Variants in HRG observed in about 807,000 individuals in gnomAD.
HRG encodes the protein histidine rich glycoprotein.
In HRG, 26 loss-of-function variants were observed where a neutral mutation model predicts 29.5. The observed-to-expected ratio is 0.88, with a 90% CI of 0.65 to 1.22. The LOEUF is 1.22. Among genes scored for constraint, HRG ranks in the 50% most tolerant of loss-of-function variants. The pLI is 0.00. For missense variants in HRG, 671 were observed against 654.5 expected, an observed-to-expected ratio of 1.03 and a Z score of -0.28; for synonymous variants, 243 against 240.4, an observed-to-expected ratio of 1.01 and a Z score of -0.10.
chr3:186,672,715 G>C, intron 4 of HRG, 72 bp from the exon 5 acceptor site: 1 of 914,396 alleles, frequency 1.1e-6, no homozygotes, highest in East Asian at 2.4e-5. Flanking sequence ...ATATTGAATG[G>C]TAGTTATCTA....
chr3:186,677,392 G>A lies in HRG; in HGVS notation c.1087G>A (p.Gly363Arg), dbSNP rs772144730. ...TCATTCCCATGAACAGCATCCCCAC[G>A]GACACCATCCCCATGCACACCATCC... ...KHHSHEQHPHGHHPHAHHPHE... is the reference protein window; with the variant it reads ...KHHSHEQHPHRHHPHAHHPHE... Residue 363 changes from glycine (G) to arginine (R), a missense_variant, in exon 7 of 7, where the codon GGA (glycine) becomes AGA (arginine). Transcript: ENST00000232003. 40 of 1,611,680 alleles carry A rather than the reference G, an allele frequency of 2.5e-5. No homozygotes were observed. Among genetic ancestry groups the A allele is most frequent in the Middle Eastern group, 1.6e-4 (1 of 6,080 alleles).
chr3:186,666,300 A>G lies in HRG; in HGVS notation c.183+86A>G, dbSNP rs1307943016. 4.4e-6 allele frequency: 6 copies of G among 1,371,824 alleles called. No individual in the cohort carries two copies. In the East Asian group the frequency reaches 6.9e-5, roughly 16 times the overall value. 85.0% of individuals were successfully genotyped at this position (1,371,824 alleles called of 1,614,324 possible). On this transcript the variant is annotated intron_variant, in intron 1 of 6. Transcript: ENST00000232003. Reference sequence around the variant, plus strand: ...CTACCCCCTAGGCTTACTGCTTTGCACAATGAATGGCTTTGGTCAGAGTTT... The same window carrying G: ...CTACCCCCTAGGCTTACTGCTTTGCGCAATGAATGGCTTTGGTCAGAGTTT...
intron 4 of HRG, among the ~76,000 whole-genome samples, chr3:186,672,014 A>C (rs1718815803): frequency 6.6e-6 from 1 of 151,576 alleles, no homozygotes; most frequent in Non-Finnish European, 1.5e-5. Flanking sequence ...GGGAGTAGAC[A>C]TCTGACAGAG....
intron 3 of HRG, among the ~76,000 whole-genome samples, chr3:186,671,031 C>T (rs1399994860): frequency 6.6e-6 from 1 of 151,652 alleles, no homozygotes; most frequent in Non-Finnish European, 1.5e-5. Flanking sequence ...GCTCTGTCTT[C>T]CCCCTTGGCA....
chr3:186,673,456 C>A (rs932214998), intron 5 of HRG: 4 of 163,930 alleles, frequency 2.4e-5, no homozygotes, highest in South Asian at 1.7e-4. Context: ...AGATAGATAC[C>A]ATTTTTAATC....
chr3:186,671,572 C>G (rs1402055658), intron 3 of HRG, 51 bp from the exon 4 acceptor site: 2 of 1,567,968 alleles, frequency 1.3e-6, no homozygotes, highest in African/African-American at 2.7e-5. Flanking sequence ...CACCAAGCCA[C>G]CATTAACATT....
chr3:186,671,891 C>A, intron 4 of HRG, 102 bp downstream of exon 4: 1 of 985,296 alleles, frequency 1.0e-6, no homozygotes, highest in Non-Finnish European at 1.6e-6. Flanking sequence ...AATTGACTAG[C>A]TGCCTTTTAA....
At chr3:186,673,455 C>G (rs1718871962) in intron 5 of HRG, 1 of 164,152 alleles carries the variant, frequency 6.1e-6, no homozygotes, top group Non-Finnish European at 1.3e-5. Flanking sequence ...GAGATAGATA[C>G]CATTTTTAAT....
intron 1 of HRG, among the ~76,000 whole-genome samples, chr3:186,667,560 T>A (rs1718653195): frequency 6.6e-6 from 1 of 151,848 alleles, no homozygotes; most frequent in African/African-American, 2.4e-5. Flanking sequence ...GAGTGGTAAA[T>A]GTACTGGAGC....
At position 186,672,937 on chromosome 3, in the gene HRG, G is replaced by A. The variant is rs1718851893; in HGVS notation, c.639+70G>A. ...AAAAAAGAAAGAGAAGAAGGAGAAG[G>A]AGAAGGAGAAGGAGAGGAAGGAGAA... On this transcript the variant is annotated intron_variant, in intron 5 of 6. Coordinates refer to ENST00000232003, the MANE Select transcript of HRG (RefSeq NM_000412.5). 1.1e-5 allele frequency: 11 copies of A among 963,234 alleles called. No homozygotes were observed. The South Asian group carries it at 1.3e-4, about 11-fold the overall frequency. 59.7% of individuals were successfully genotyped at this position (963,234 alleles called of 1,614,324 possible).
At chr3:186,666,676 A>T (rs1718619683) in intron 1 of HRG, among the ~76,000 whole-genome samples, 1 of 152,084 alleles carries the variant, frequency 6.6e-6, no homozygotes, top group Non-Finnish European at 1.5e-5. Flanking sequence ...GCACTTTGGG[A>T]GGCCAAGGCG....
chr3:186,672,075 T>C (rs550998333), intron 4 of HRG, among the ~76,000 whole-genome samples: 11 of 151,342 alleles, frequency 7.3e-5, no homozygotes, highest in African/African-American at 2.7e-4. Context: ...CATATGAGGG[T>C]TGTGTCATTG....
chr3:186,672,286 G>T (rs1718824849), intron 4 of HRG, among the ~76,000 whole-genome samples: 1 of 152,234 alleles, frequency 6.6e-6, no homozygotes, highest in Non-Finnish European at 1.5e-5. Context: ...GCGTTAAATA[G>T]ATTGTGTTGC....
At chr3:186,673,045 G>A (rs999734580) in intron 5 of HRG, 178 bp downstream of exon 5, 5 of 676,900 alleles carry the variant, frequency 7.4e-6, no homozygotes, top group African/African-American at 5.3e-5. Flanking sequence ...GTATCATCTG[G>A]GAAGCACTTA....
In HRG at chr3:186,669,971, C is replaced by T. The variant is rs184209379; in HGVS notation, c.334C>T (p.His112Tyr). 7 of 1,599,936 alleles carry T rather than the reference C, an allele frequency of 4.4e-6. No homozygotes were observed. In the East Asian group the frequency reaches 1.3e-4, roughly 31 times the overall value. ...IGQCKVIATR[H>Y]SHESQDLRVI... Reference sequence around the variant, plus strand: ...ACAATGTAAGGTAATAGCTACAAGACATTCCCATGAATCTCAGGACCTCAG... The same window carrying T: ...ACAATGTAAGGTAATAGCTACAAGATATTCCCATGAATCTCAGGACCTCAG... Residue 112 changes from histidine (H) to tyrosine (Y), a missense_variant, in exon 3 of 7, where the codon CAT becomes TAT. Transcript: ENST00000232003.
intron 6 of HRG, among the ~76,000 whole-genome samples, chr3:186,676,261 C>T (rs1718985308): frequency 6.6e-6 from 1 of 151,950 alleles, no homozygotes; most frequent in African/African-American, 2.4e-5. Context: ...ATGTTGATAC[C>T]ATCAAGCCTC....
In HRG at chr3:186,677,641, G is replaced by C; in HGVS notation, c.1336G>C (p.Gly446Arg). ...GHLRRRGPGKGPRPFHCRQIG... is the reference protein window; with the variant it reads ...GHLRRRGPGKRPRPFHCRQIG... ...CTTAAGAAGGCGAGGCCCAGGTAAA[G>C]GACCCCGTCCCTTCCATTGCAGACA... Residue 446 changes from glycine to arginine, a missense_variant, in exon 7 of 7, where the codon GGA (glycine) becomes CGA (arginine). Physicochemically the swap from Gly to Arg is moderately radical, Grantham distance 125. Transcript: ENST00000232003. 6.2e-7 allele frequency: 1 copy of C among 1,614,122 alleles called. No homozygotes were observed. The highest frequency in any genetic ancestry group is 8.5e-7 in the Non-Finnish European group (1 of 1,180,020).
intron 4 of HRG, among the ~76,000 whole-genome samples, chr3:186,672,117 T>C (rs769779771): frequency 6.6e-6 from 1 of 152,092 alleles, no homozygotes; most frequent in Non-Finnish European, 1.5e-5. Flanking sequence ...TCTTGTACTA[T>C]GATGGAAAAC....
In HRG at chr3:186,678,211, T is replaced by C. The variant is rs16861004; in HGVS notation, c.*328T>C. The C allele has an allele frequency of 9.0e-3, 2,954 of 329,932 alleles. 82 individuals are homozygous for C. Among genetic ancestry groups the C allele is most frequent in the African/African-American group, 0.058 (2,753 of 47,068 alleles). 20.4% of individuals were successfully genotyped at this position (329,932 alleles called of 1,614,324 possible). ...CTGCTTGGGCTATACCTGGGCATAC[T>C]AATAAAGTATGGTATTGAAACTATT... is the stretch of plus-strand genomic sequence containing the variant. On this transcript the variant is annotated 3_prime_UTR_variant, in exon 7 of 7. Coordinates refer to ENST00000232003, the MANE Select transcript of HRG (RefSeq NM_000412.5).
Sources: allele counts gnomAD v4.1 joint callset (sites outside exome capture counted in the v4.1 genomes callset), GRCh38; gene constraint gnomAD v4.1.1; transcripts MANE v1.5; gene names NCBI Gene and HGNC (gene_info 2026-07-23, HGNC 2026-07-21).